NCOR2: variants seen among roughly 807,000 people sequenced by gnomAD.
The protein encoded by NCOR2 is nuclear receptor corepressor 2.
In NCOR2, 81 loss-of-function variants were observed where a neutral mutation model predicts 262.9. The ratio of observed to expected loss-of-function variants is 0.31; its 90% CI spans 0.26 to 0.37. NCOR2 has a LOEUF of 0.37. Among genes scored for constraint, NCOR2 ranks in the 10% least tolerant of loss-of-function variants. The pLI, the probability that NCOR2 is intolerant of heterozygous loss-of-function variation, is 1.00. For synonymous variants in NCOR2, 1,659 were observed against 1,559.3 expected (o/e 1.06, Z -1.51); for missense variants, 3,385 against 3,621.4 (o/e 0.93, Z 1.68).
intron 17 of NCOR2, among the ~76,000 whole-genome samples, chr12:124,380,215 A>G (rs903379583): frequency 6.6e-6 from 1 of 152,186 alleles, no homozygotes; most frequent in Non-Finnish European, 1.5e-5. Context: ...GCCAGGCTGG[A>G]GCTGGGCCTC....
rs752224314 is a variant in NCOR2 at position 124,340,178 on chromosome 12, C to CGCTGCTGCT, written c.5514_5515insAGCAGCAGC (p.Ser1838_Gly1839insSerSerSer). 37 of 1,606,714 alleles carry CGCTGCTGCT rather than the reference C, an allele frequency of 2.3e-5. No homozygotes were observed. The East Asian group carries it at 3.6e-4, about 16-fold the overall frequency. ...CGGCTGCTGCTGCCCCCACCCCCGCCGCTGCTGCCGCTGCTCTGCTCTGTA... is the reference window on the plus strand; with the variant it reads ...CGGCTGCTGCTGCCCCCACCCCCGCCGCTGCTGCTGCTGCTGCCGCTGCTCTGCTCTGTA... On this transcript the variant is annotated inframe_insertion, in exon 37 of 47. Coordinates refer to ENST00000405201, the Ensembl canonical transcript of NCOR2.
At chr12:124,388,581 C>T (rs2040994316) in intron 16 of NCOR2, 1 of 1,201,262 alleles carries the variant, frequency 8.3e-7, no homozygotes, top group African/African-American at 1.6e-5. Context: ...GGGCCCAGAA[C>T]TCCGACTCCC....
exon 46 of NCOR2, chr12:124,326,285 C>T (rs1298581830): frequency 1.3e-6 from 2 of 1,565,310 alleles, no homozygotes; most frequent in Admixed American, 1.9e-5. Context: ...CAGAGGGTGG[C>T]CGGTCCCCAG....
chr12:124,337,288 C>T, intron 37 of NCOR2, 108 bp from the exon 40 acceptor site: 1 of 1,325,984 alleles, frequency 7.5e-7, no homozygotes, highest in South Asian at 1.3e-5. Flanking sequence ...CCCTGCTGCT[C>T]CCAGAGTGAA....
Position 124,386,009 on chromosome 12 carries a change from G to A in NCOR2, c.1877-122C>T, listed in dbSNP as rs910352580. The stretch of plus-strand genomic sequence containing the variant: ...AACCCAGCCTGGGGCTCCCTGCTCA[G>A]GCCCAGGACCTCTGGAAGAAGAGAC... On this transcript the variant is annotated intron_variant, in intron 16 of 46. Transcript: ENST00000405201. The A allele has an allele frequency of 4.1e-5, 51 of 1,240,330 alleles. No individual in the cohort carries two copies. In the East Asian group the frequency reaches 1.2e-3, roughly 30 times the overall value. 76.8% of individuals were successfully genotyped at this position (1,240,330 alleles called of 1,614,324 possible). A position where few individuals can be genotyped will look rare whatever the true frequency, so the allele number is the denominator to read the frequency against.
chr12:124,362,057 C>T, intron 22 of NCOR2, 69 bp downstream of exon 24: 2 of 1,222,406 alleles, frequency 1.6e-6, no homozygotes, highest in Non-Finnish European at 2.0e-6. Context: ...CTGCTCTAGA[C>T]ACACAAACAT....
chr12:124,334,772 T>G, intron 40 of NCOR2, 155 bp from the exon 43 acceptor site: 1 of 574,558 alleles, frequency 1.7e-6, no homozygotes, highest in Non-Finnish European at 3.0e-6. Flanking sequence ...TGGGCCTCCG[T>G]GTCCCAGTGT....
In NCOR2 at chr12:124,335,884, T is replaced by A. The variant is rs2035838978; in HGVS notation, c.6116-252A>T. On this transcript the variant is annotated intron_variant, in intron 38 of 46. Transcript: ENST00000405201. ...ACAGAGAGGGAGACACAGAGAGAGA[T>A]TAGGCAAGAAGGGACAGAGATGGGT... 4 of 510,064 alleles carry A rather than the reference T, an allele frequency of 7.8e-6. No individual in the cohort carries two copies. The South Asian group carries it at 1.2e-4, about 16-fold the overall frequency. The allele number at this position is 510,064 out of a possible 1,614,324, so 31.6% of individuals were successfully genotyped here. A position where few individuals can be genotyped will look rare whatever the true frequency, so the allele number is the denominator to read the frequency against.
rs1475427819 is a variant in NCOR2, at chr12:124,457,327, C to A, written c.706-165G>T. 3.3e-5 allele frequency among the ~76,000 whole-genome samples: 5 copies of A among 151,710 alleles called. No homozygotes were observed. The highest frequency in any genetic ancestry group is 2.9e-5 in the Non-Finnish European group (2 of 67,904). On this transcript the variant is annotated intron_variant, in intron 5 of 46. Transcript: ENST00000405201. The surrounding 1 kb of genome is among the most constrained non-coding windows in gnomAD (Gnocchi z 4.0). ...GGGCCCCCTGCAGGCCCTCCCCACGCTGGAAAAAAACACAGAGGAGCCTCA... is the reference window on the plus strand; with the variant it reads ...GGGCCCCCTGCAGGCCCTCCCCACGATGGAAAAAAACACAGAGGAGCCTCA...
rs750673366 is a variant in NCOR2 at position 124,432,209 on chromosome 12, A to G, written c.883-1422T>C. Among the ~76,000 whole-genome samples the G allele has an allele frequency of 6.6e-6, 1 of 151,996 alleles. No homozygotes were observed. Among genetic ancestry groups the G allele is most frequent in the Non-Finnish European group, 1.5e-5 (1 of 67,984 alleles). Reference sequence around the variant, plus strand: ...TGGACACACATACACAGAGTCACACATGTAGACACACAACAGACACACACA... The same window carrying G: ...TGGACACACATACACAGAGTCACACGTGTAGACACACAACAGACACACACA... On this transcript the variant is annotated intron_variant, in intron 8 of 46. Transcript: ENST00000405201. This position sits in a 1 kb window ranked among gnomAD's most constrained non-coding sequence, Gnocchi z 5.1.
At chr12:124,334,780 T>C in intron 40 of NCOR2, 163 bp from the exon 43 acceptor site, 2 of 574,478 alleles carry the variant, frequency 3.5e-6, no homozygotes, top group East Asian at 6.0e-5. Flanking sequence ...CGTGTCCCAG[T>C]GTGCATGGGA....
exon 34 of NCOR2, chr12:124,341,983 C>T (rs781357621): frequency 1.4e-5 from 23 of 1,613,284 alleles, no homozygotes; most frequent in South Asian, 5.5e-5. Flanking sequence ...CCAGCGCCGC[C>T]GTGTCGGGGT....
chr12:124,462,292 T>G (rs1327720238), intron 5 of NCOR2, among the ~76,000 whole-genome samples: 1 of 152,156 alleles, frequency 6.6e-6, no homozygotes. Flanking sequence ...TAGCCCCTTC[T>G]CTGCCACACT....
At chr12:124,351,170 A>C (rs1453761459) in intron 27 of NCOR2, among the ~76,000 whole-genome samples, 1 of 152,098 alleles carries the variant, frequency 6.6e-6, no homozygotes, top group Non-Finnish European at 1.5e-5. Flanking sequence ...CGTGGGGTCT[A>C]CTCAGAGCCT....
chr12:124,540,250 C>T (rs2051250422), upstream of NCOR2, among the ~76,000 whole-genome samples: 1 of 150,260 alleles, frequency 6.7e-6, no homozygotes, highest in Non-Finnish European at 1.5e-5. Flanking sequence ...GGAGGGCCCC[C>T]TGCAGGAGGA....
At position 124,483,840 on chromosome 12, in the gene NCOR2, C is replaced by T. The variant is rs2047630355; in HGVS notation, c.234-67G>A. ...GCTCTGAGAACTCCCGAGGCCCCGACCACCCTCTGCGCCGAGCATCTACTG... is the reference window on the plus strand; with the variant it reads ...GCTCTGAGAACTCCCGAGGCCCCGATCACCCTCTGCGCCGAGCATCTACTG... On this transcript the variant is annotated intron_variant, in intron 2 of 46. Transcript: ENST00000405201. This position sits in a 1 kb window ranked among gnomAD's most constrained non-coding sequence, Gnocchi z 6.3. 2.1e-6 allele frequency: 3 copies of T among 1,453,814 alleles called. No individual in the cohort carries two copies. 90.1% of individuals were successfully genotyped at this position (1,453,814 alleles called of 1,614,324 possible).
At chr12:124,466,410 G>T in intron 4 of NCOR2, 124 bp from the exon 7 acceptor site, 1 of 800,062 alleles carries the variant, frequency 1.2e-6, no homozygotes, top group Non-Finnish European at 2.0e-6. Context: ...AAGTCAGGCT[G>T]CTACACATTT....
Position 124,346,921 on chromosome 12 carries a change from G to C in NCOR2, c.4073-71C>G, listed in dbSNP as rs2036979408. The C allele has an allele frequency of 3.6e-6, 5 of 1,400,322 alleles. No homozygotes were observed. The South Asian group carries it at 7.9e-5, about 22-fold the overall frequency. 86.7% of individuals were successfully genotyped at this position (1,400,322 alleles called of 1,614,324 possible). On this transcript the variant is annotated intron_variant, in intron 30 of 46. Coordinates refer to ENST00000405201, the Ensembl canonical transcript of NCOR2. Reference sequence around the variant, plus strand: ...CCCATCAAGAGCCTCCACACCAGTGGGTTCTGGAGCTAGTCTGCCTGAGTT... The same window carrying C: ...CCCATCAAGAGCCTCCACACCAGTGCGTTCTGGAGCTAGTCTGCCTGAGTT...
chr12:124,374,751 C>T, intron 18 of NCOR2, among the ~76,000 whole-genome samples: 1 of 152,236 alleles, frequency 6.6e-6, no homozygotes, highest in East Asian at 1.9e-4. Flanking sequence ...AAGTGAGCTT[C>T]AGCCACTCTG....
Sources: allele counts gnomAD v4.1 joint callset (sites outside exome capture counted in the v4.1 genomes callset), GRCh38; gene constraint gnomAD v4.1.1; non-coding constraint Gnocchi (gnomAD v3.1); transcripts MANE v1.5; gene names NCBI Gene and HGNC (gene_info 2026-07-23, HGNC 2026-07-21).